Variants in UNC13C observed in about 807,000 individuals in gnomAD.
UNC13C encodes protein unc-13 homolog C.
A neutral mutation model predicts 245.4 loss-of-function variants in UNC13C; 174 were observed. The ratio of observed to expected loss-of-function variants is 0.71; its 90% confidence interval spans 0.63 to 0.80. The LOEUF is 0.80. UNC13C is among the 30% of genes least tolerant of loss of function. The pLI is 0.00. For missense variants in UNC13C, 2,829 were observed against 2,602.9 expected (o/e 1.09, Z -1.89); for synonymous variants, 992 against 895.1 (o/e 1.11, Z -1.93).
intron 13 of UNC13C, among the ~76,000 whole-genome samples, chr15:54,307,904 A>T (rs1206752944): frequency 6.6e-6 from 1 of 151,950 alleles, no homozygotes; most frequent in Non-Finnish European, 1.5e-5. Context: ...CTAACTTATC[A>T]CTGATAAGTT....
chr15:54,424,928 A>G (rs1567260846), intron 19 of UNC13C, among the ~76,000 whole-genome samples: 2 of 151,696 alleles, frequency 1.3e-5, no homozygotes, highest in African/African-American at 4.8e-5. Flanking sequence ...ACTTCATTGC[A>G]CTCTGCATTA....
intron 30 of UNC13C, among the ~76,000 whole-genome samples, chr15:54,612,454 C>T (rs1035005202): frequency 1.3e-5 from 2 of 151,972 alleles, no homozygotes; most frequent in Non-Finnish European, 2.9e-5. Flanking sequence ...AAAACATTTT[C>T]CCAGTTGACA....
chr15:53,983,447 G>A (rs978974514), intron 1 of UNC13C, among the ~76,000 whole-genome samples: 1 of 151,966 alleles, frequency 6.6e-6, no homozygotes, highest in Non-Finnish European at 1.5e-5. Context: ...AGGTTGATTG[G>A]TAGGAGGCAA....
the UNC13C span, among the ~76,000 whole-genome samples, chr15:53,866,335 C>T: frequency 9.2e-5 from 14 of 152,024 alleles, no homozygotes; most frequent in South Asian, 2.7e-3. Flanking sequence ...AAGATAAAAG[C>T]AAAAATTAAT....
intron 8 of UNC13C, among the ~76,000 whole-genome samples, chr15:54,260,680 A>G (rs2036400761): frequency 6.7e-6 from 1 of 148,288 alleles, no homozygotes; most frequent in Non-Finnish European, 1.5e-5. Context: ...TGTATGTTTT[A>G]TATATAAAGA....
chr15:54,483,881 C>T (rs546121605), intron 19 of UNC13C, among the ~76,000 whole-genome samples: 2 of 152,092 alleles, frequency 1.3e-5, no homozygotes, highest in African/African-American at 4.8e-5. Context: ...TCCCTCTCAC[C>T]TTTTTACCTA....
intron 24 of UNC13C, among the ~76,000 whole-genome samples, chr15:54,519,719 T>A (rs1340277328): frequency 6.6e-6 from 1 of 152,150 alleles, no homozygotes. Context: ...GGTAGTATGG[T>A]TAGAGCTGGG....
chr15:54,307,062 C>A (rs1283168888), intron 13 of UNC13C, among the ~76,000 whole-genome samples: 2 of 151,950 alleles, frequency 1.3e-5, no homozygotes, highest in African/African-American at 4.8e-5. Flanking sequence ...ACCCCACATT[C>A]TAGAAGATGA....
intron 25 of UNC13C, 93 bp downstream of exon 25, chr15:54,525,730 A>T (rs1267234731): frequency 1.4e-5 from 15 of 1,038,912 alleles, no homozygotes; most frequent in Non-Finnish European, 2.0e-5. Flanking sequence ...TGACTGACTA[A>T]ATCTACTTAA....
chr15:54,490,825 A>G (rs1166469810), intron 19 of UNC13C, among the ~76,000 whole-genome samples: 1 of 152,154 alleles, frequency 6.6e-6, no homozygotes, highest in East Asian at 1.9e-4. Flanking sequence ...TATCCCATTT[A>G]AGTAAGAAAA....
intron 14 of UNC13C, among the ~76,000 whole-genome samples, chr15:54,326,527 G>A (rs552611980): frequency 6.6e-6 from 1 of 152,076 alleles, no homozygotes; most frequent in Non-Finnish European, 1.5e-5. Context: ...GCCATGGGAA[G>A]GTAAGGAAAT....
chr15:54,441,143 T>G (rs1314942209), intron 19 of UNC13C, among the ~76,000 whole-genome samples: 1 of 152,102 alleles, frequency 6.6e-6, no homozygotes, highest in East Asian at 1.9e-4. Context: ...TCATTTGCTC[T>G]GCAGAAGTAT....
At chr15:54,553,706 C>T (rs892298197) in intron 28 of UNC13C, among the ~76,000 whole-genome samples, 1 of 150,932 alleles carries the variant, frequency 6.6e-6, no homozygotes, top group African/African-American at 2.4e-5. Flanking sequence ...TCAGAGATCC[C>T]CTTACTTGAA....
intron 4 of UNC13C, among the ~76,000 whole-genome samples, chr15:54,186,836 A>AATATATATATATAT (rs372623344): frequency 4.4e-4 from 56 of 126,168 alleles, no homozygotes; most frequent in African/African-American, 5.5e-4. Context: ...CAAAGAACAT[A>AATATATATATATAT]ATATATATGT....
intron 4 of UNC13C, among the ~76,000 whole-genome samples, chr15:54,151,355 A>G (rs987314189): frequency 3.3e-5 from 5 of 152,180 alleles, no homozygotes; most frequent in African/African-American, 1.2e-4. Flanking sequence ...ATCCTAGTAC[A>G]TGTAAGCCAG....
intron 30 of UNC13C, among the ~76,000 whole-genome samples, chr15:54,603,537 C>T (rs1167980139): frequency 6.6e-6 from 1 of 150,486 alleles, no homozygotes; most frequent in African/African-American, 2.4e-5. Context: ...GCACTCCCAC[C>T]CCTGAAACCA....
At chr15:54,554,323 T>C (rs1897004507) in intron 28 of UNC13C, among the ~76,000 whole-genome samples, 1 of 151,914 alleles carries the variant, frequency 6.6e-6, no homozygotes, top group Admixed American at 6.6e-5. Context: ...CCACTGGGTG[T>C]GATTGCGTGG....
chr15:54,347,992 T>A (rs1467339993), intron 17 of UNC13C, among the ~76,000 whole-genome samples: 1 of 152,190 alleles, frequency 6.6e-6, no homozygotes, highest in East Asian at 1.9e-4. Context: ...GGTAATACAG[T>A]ATTATTGTTG....
chr15:53,925,526 C>T, the UNC13C span, among the ~76,000 whole-genome samples: 1 of 152,150 alleles, frequency 6.6e-6, no homozygotes, highest in Non-Finnish European at 1.5e-5. Flanking sequence ...TAAAGCTTGT[C>T]TTGCAGAATA....
Sources: gnomAD v4.1 joint callset for allele counts (sites outside exome capture counted in the v4.1 genomes callset) on GRCh38, gnomAD v4.1.1 for gene constraint, MANE v1.5 for transcripts, NCBI Gene and HGNC (gene_info 2026-07-23, HGNC 2026-07-21) for gene names.